The following PRKCSH variants were observed in gnomAD, a reference collection of about 807,000 sequenced individuals.
The protein encoded by PRKCSH is glucosidase 2 subunit beta.
A neutral mutation model predicts 79.7 loss-of-function variants in PRKCSH; 42 were observed. That is an observed-to-expected ratio of 0.53 (90% CI 0.41 to 0.68). The LOEUF is 0.68. Ranked by LOEUF, PRKCSH falls within the 30% of genes least tolerant of loss-of-function variation. PRKCSH has a pLI of 0.00. For missense variants in PRKCSH, 686 were observed against 709.0 expected, an observed-to-expected ratio of 0.97 and a Z score of 0.37; for synonymous variants, 325 against 288.2, an observed-to-expected ratio of 1.13 and a Z score of -1.29.
At chr19:11,445,608 G>A (rs1384028063) in intron 8 of PRKCSH, 135 bp downstream of exon 8, 7 of 850,640 alleles carry the variant, frequency 8.2e-6, no homozygotes, top group South Asian at 1.4e-5. Context: ...CCCAAGCCCC[G>A]TGTGACCCCG....
chr19:11,447,024 T>A lies in PRKCSH; in HGVS notation c.763-50T>A, dbSNP rs752838635. The A allele has an allele frequency of 1.9e-6, 3 of 1,590,678 alleles. No homozygotes were observed. The highest frequency in any genetic ancestry group is 2.6e-6 in the Non-Finnish European group (3 of 1,159,086). On this transcript the variant is annotated intron_variant, in intron 9 of 17. Transcript: ENST00000677123. This position sits in a 1 kb window ranked among gnomAD's most constrained non-coding sequence, Gnocchi z 5.6. ...AGCCCGGGTGCCGGGGTGGCCGAGA[T>A]GGGGGACACGTGGTGGCCTAGATCT... is the stretch of plus-strand genomic sequence containing the variant.
chr19:11,445,866 CG>C, intron 8 of PRKCSH: 1 of 361,236 alleles, frequency 2.8e-6, no homozygotes, highest in Non-Finnish European at 5.0e-6. Flanking sequence ...GAGAGGCACA[CG>C]GGGAGCCTAG....
chr19:11,443,328 A>G (rs1377711778), intron 7 of PRKCSH, among the ~76,000 whole-genome samples: 2 of 151,134 alleles, frequency 1.3e-5, no homozygotes, highest in Non-Finnish European at 3.0e-5. Flanking sequence ...CAGGCAGATC[A>G]CGAGGTCAGG....
chr19:11,449,073 C>T lies in PRKCSH; in HGVS notation c.1362-3C>T, dbSNP rs1448277247. ...AGCCCTCAGCACCCTGTGTCTCTCA[C>T]AGCACCTGGGGCTCATGGATTGGCC... is the stretch of plus-strand genomic sequence containing the variant. On this transcript the variant is annotated splice_region_variant and splice_polypyrimidine_tract_variant and intron_variant, in intron 15 of 17. Coordinates refer to ENST00000677123, the MANE Select transcript of PRKCSH (RefSeq NM_001289104.2). The surrounding 1 kb of genome is among the most constrained non-coding windows in gnomAD (Gnocchi z 6.4). 1 of 1,613,388 alleles carries T rather than the reference C, an allele frequency of 6.2e-7. No individual in the cohort carries two copies. The highest frequency in any genetic ancestry group is 8.5e-7 in the Non-Finnish European group (1 of 1,180,032).
In PRKCSH at chr19:11,435,702, C is replaced by T; in HGVS notation, c.-82C>T. 2 of 1,317,674 alleles carry T rather than the reference C, an allele frequency of 1.5e-6. No individual in the cohort carries two copies. The highest frequency in any genetic ancestry group is 2.0e-6 in the Non-Finnish European group (2 of 1,008,226). 81.6% of individuals were successfully genotyped at this position (1,317,674 alleles called of 1,614,324 possible). ...GGTGGATACTGACCTTTGCTCCGGC[C>T]TCGTGTAGGTGTGAACGAGCGGGTG... On this transcript the variant is annotated 5_prime_UTR_variant, in exon 1 of 18. Transcript: ENST00000677123.
chr19:11,436,348 G>A (rs1398996789), intron 2 of PRKCSH, 41 bp from the exon 3 acceptor site: 10 of 1,597,998 alleles, frequency 6.3e-6, no homozygotes, highest in Admixed American at 1.7e-5. Flanking sequence ...TGGTGGAGAA[G>A]GCGCTTACCT....
At chr19:11,443,356 G>A (rs1483015707) in intron 7 of PRKCSH, among the ~76,000 whole-genome samples, 1 of 151,862 alleles carries the variant, frequency 6.6e-6, no homozygotes, top group Non-Finnish European at 1.5e-5. Flanking sequence ...GACCATCTTA[G>A]CCAACATGGT....
At chr19:11,445,821 T>G in intron 8 of PRKCSH, 1 of 451,508 alleles carries the variant, frequency 2.2e-6, no homozygotes, top group South Asian at 2.1e-5. Flanking sequence ...CTGAGCTTGC[T>G]GGGTTACCTG....
Position 11,445,457 on chromosome 19 carries a change from GA to G in PRKCSH, c.668del (p.Asp223ValfsTer9). On this transcript the variant is annotated frameshift_variant, in exon 8 of 18. Coordinates refer to ENST00000677123, the MANE Select transcript of PRKCSH (RefSeq NM_001289104.2). LOFTEE classifies it high-confidence loss of function. ...LAADAFKELD[D>X]DMDGTVSVTE... The stretch of plus-strand genomic sequence containing the variant: ...GGCTGATGCCTTCAAGGAGCTGGAT[GA>G]TGACATGGACGGGACGTGAGTGTCC... The G allele has an allele frequency of 1.2e-6, 2 of 1,614,046 alleles. No individual in the cohort carries two copies. The highest frequency in any genetic ancestry group is 1.7e-6 in the Non-Finnish European group (2 of 1,180,020).
At chr19:11,450,205 G>A (rs1970542632) in intron 17 of PRKCSH, among the ~76,000 whole-genome samples, 1 of 150,896 alleles carries the variant, frequency 6.6e-6, no homozygotes, top group Admixed American at 6.6e-5. Flanking sequence ...AGGCGTCGTG[G>A]CTCACATCTG....
rs758046206 is a variant in PRKCSH at position 11,448,563 on chromosome 19, T to G, written c.1220T>G (p.Phe407Cys). Residue 407 changes from phenylalanine to cysteine, a missense_variant, in exon 14 of 18, where the codon TTT becomes TGT. By Grantham distance (205) the Phe-to-Cys change is radical. This residue lies in a region of PRKCSH where 137 missense variants were observed against 188.8 expected (regional missense o/e 0.73). Transcript: ENST00000677123. The surrounding 1 kb of genome is among the most constrained non-coding windows in gnomAD (Gnocchi z 4.4). ...AGGAACCTGGAGCAAGAGATTTCTT[T>G]TGACTTTGGCCCCAACGGGGAGTTT... ...SIRNLEQEIS[F>C]DFGPNGEFAY... 24 of 1,614,092 alleles carry G rather than the reference T, an allele frequency of 1.5e-5. No individual in the cohort carries two copies. Among genetic ancestry groups the G allele is most frequent in the Middle Eastern group, 1.6e-4 (1 of 6,084 alleles).
rs773942629 is a variant in PRKCSH at position 11,436,184 on chromosome 19, G to A, written c.67G>A (p.Val23Ile). 6 of 1,588,792 alleles carry A rather than the reference G, an allele frequency of 3.8e-6. No homozygotes were observed. The highest frequency in any genetic ancestry group is 3.6e-5 in the Admixed American group (2 of 55,786). Reference protein sequence around the residue: ...WAVEVKRPRGVSLTNHHFYDE... With the variant: ...WAVEVKRPRGISLTNHHFYDE... ...CGTGGAGGTCAAGAGGCCCCGGGGCGTCTCCCTCACCAGTGAGTCCTCCTG... is the reference window on the plus strand; with the variant it reads ...CGTGGAGGTCAAGAGGCCCCGGGGCATCTCCCTCACCAGTGAGTCCTCCTG... Residue 23 changes from valine to isoleucine, a missense_variant, in exon 2 of 18, where the codon GTC becomes ATC. Physicochemically the swap from Val to Ile is conservative, Grantham distance 29 (BLOSUM62 3). Around this residue, in one of 2 missense-constraint regions of PRKCSH, gnomAD observed 549 missense variants for 520.2 expected, o/e 1.06. Transcript: ENST00000677123.
In PRKCSH at chr19:11,447,440, C is replaced by T; in HGVS notation, c.851C>T (p.Ala284Val). Residue 284 changes from alanine (A) to valine (V), a missense_variant and splice_region_variant, in exon 11 of 18, where the codon GCA becomes GTA. Physicochemically the swap from Ala to Val is moderately conservative, Grantham distance 64 (BLOSUM62 0). Transcript: ENST00000677123. The surrounding 1 kb of genome is among the most constrained non-coding windows in gnomAD (Gnocchi z 5.6). The part of the protein sequence containing the change: ...AAIRDKYRSE[A>V]LPTDLPAPSA... Reference sequence around the variant, plus strand: ...CCGACCGCACTGCTCACCCGCCAGGCACTGCCCACCGACCTTCCAGCACCT... The same window carrying T: ...CCGACCGCACTGCTCACCCGCCAGGTACTGCCCACCGACCTTCCAGCACCT... 6.2e-7 allele frequency: 1 copy of T among 1,613,884 alleles called. No individual in the cohort carries two copies. Among genetic ancestry groups the T allele is most frequent in the Non-Finnish European group, 8.5e-7 (1 of 1,180,004 alleles).
chr19:11,438,623 C>T (rs1969895433), intron 5 of PRKCSH, among the ~76,000 whole-genome samples: 2 of 151,686 alleles, frequency 1.3e-5, no homozygotes, highest in Non-Finnish European at 2.9e-5. Context: ...GGTGTGGTGG[C>T]GGGCGCCTGT....
chr19:11,438,247 C>T (rs1288630923), intron 5 of PRKCSH, 123 bp downstream of exon 5: 3 of 1,050,082 alleles, frequency 2.9e-6, no homozygotes, highest in Non-Finnish European at 4.3e-6. Flanking sequence ...GTGCCAGGTG[C>T]CTTGTGAATC....
chr19:11,440,700 G>A (rs1366290711), intron 5 of PRKCSH, among the ~76,000 whole-genome samples: 2 of 152,006 alleles, frequency 1.3e-5, no homozygotes, highest in Non-Finnish European at 2.9e-5. Flanking sequence ...TGATCCGCCC[G>A]CCTTGGCCTC....
intron 5 of PRKCSH, among the ~76,000 whole-genome samples, chr19:11,439,729 T>C (rs575409498): frequency 6.7e-6 from 1 of 150,296 alleles, no homozygotes. Flanking sequence ...CAAGCGATTC[T>C]TCTGCCTTAG....
At chr19:11,440,300 G>C (rs555161414) in intron 5 of PRKCSH, among the ~76,000 whole-genome samples, 3 of 151,568 alleles carry the variant, frequency 2.0e-5, no homozygotes, top group African/African-American at 7.3e-5. Flanking sequence ...GGCACCTGCC[G>C]CTACACCTGG....
chr19:11,449,384 C>G lies in PRKCSH; in HGVS notation c.1580C>G (p.Pro527Arg). ...TGCCCGGAGCCACCGCCTGAAGCACCCACCGAAGACGACCATGACGAGCTC... is the reference window on the plus strand; with the variant it reads ...TGCCCGGAGCCACCGCCTGAAGCACGCACCGAAGACGACCATGACGAGCTC... ...AACPEPPPEA[P>R]TEDDHDEL Residue 527 changes from proline to arginine, a missense_variant, in exon 17 of 18, where the codon CCC becomes CGC. Around this residue, in one of 2 missense-constraint regions of PRKCSH, gnomAD observed 137 missense variants for 188.8 expected, o/e 0.73. Transcript: ENST00000677123. This position sits in a 1 kb window ranked among gnomAD's most constrained non-coding sequence, Gnocchi z 6.4. The G allele has an allele frequency of 6.2e-7, 1 of 1,613,338 alleles. No homozygotes were observed. The highest frequency in any genetic ancestry group is 8.5e-7 in the Non-Finnish European group (1 of 1,179,950).
Sources: gnomAD v4.1 joint callset for allele counts (sites outside exome capture counted in the v4.1 genomes callset) on GRCh38, gnomAD v4.1.1 for gene constraint, gnomAD v4.1.1 regional missense constraint, Gnocchi (gnomAD v3.1) non-coding constraint, MANE v1.5 for transcripts, NCBI Gene and HGNC (gene_info 2026-07-23, HGNC 2026-07-21) for gene names.